LRRC7: variants seen among roughly 807,000 people sequenced by gnomAD.
LRRC7 encodes leucine-rich repeat-containing protein 7.
LRRC7 carries 23 observed loss-of-function variants against 175.7 expected under a neutral mutation model. That is an observed-to-expected ratio of 0.13 (90% confidence interval 0.09 to 0.19). The LOEUF (loss-of-function observed/expected upper bound fraction) is 0.19, where lower values mean the gene tolerates loss of function less well. Ranked by LOEUF, LRRC7 falls within the 10% of genes least tolerant of loss-of-function variation. LRRC7 has a pLI of 1.00. For missense variants in LRRC7, 1,354 were observed against 1,904.7 expected (o/e 0.71, Z 5.38); for synonymous variants, 685 against 680.9 (o/e 1.01, Z -0.09).
At position 70,053,006 on chromosome 1, in the gene LRRC7, C is replaced by T. The variant is rs969012469; in HGVS notation, c.4111-20C>T. 1.9e-6 allele frequency: 3 copies of T among 1,586,546 alleles called. No homozygotes were observed. Among genetic ancestry groups the T allele is most frequent in the African/African-American group, 2.7e-5 (2 of 73,944 alleles). ...ACTTCTACTACATCACTAAAGAATG[C>T]CATACCATTTTTGCAATAGACCCCG... On this transcript the variant is annotated intron_variant, in intron 22 of 26. Transcript: ENST00000651989.
chr1:69,981,856 T>G (rs12045530), intron 9 of LRRC7, among the ~76,000 whole-genome samples: 6,629 of 152,314 alleles, frequency 0.044, 165 homozygotes, highest in South Asian at 0.1. Context: ...GTACAAATGT[T>G]GATTCATTGA....
chr1:69,837,325 T>A (rs950860834), intron 6 of LRRC7, among the ~76,000 whole-genome samples: 5 of 151,906 alleles, frequency 3.3e-5, no homozygotes, highest in Non-Finnish European at 7.4e-5. Flanking sequence ...GTGTAAATAA[T>A]GAAAATAATA....
intron 23 of LRRC7, among the ~76,000 whole-genome samples, chr1:70,064,351 C>G (rs1021396053): frequency 2.6e-5 from 4 of 151,916 alleles, no homozygotes; most frequent in African/African-American, 9.7e-5. Context: ...AGGCACTGTA[C>G]TAAGATGCTT....
At chr1:69,699,651 T>A (rs908576264) in intron 2 of LRRC7, among the ~76,000 whole-genome samples, 13 of 152,236 alleles carry the variant, frequency 8.5e-5, no homozygotes, top group African/African-American at 3.1e-4. Flanking sequence ...AAATTCAATA[T>A]GTGTCTCCAA....
intron 3 of LRRC7, among the ~76,000 whole-genome samples, chr1:69,784,764 TTTA>T (rs1674210724): frequency 6.6e-6 from 1 of 152,232 alleles, no homozygotes; most frequent in Non-Finnish European, 1.5e-5. Context: ...TATGTAACAT[TTTA>T]TTATTTAATT....
rs1394169404 is a variant in LRRC7 at position 70,141,354 on chromosome 1, C to CT, written c.*19468dup. ...GCTTCATGCAGACTTTGGCCCAACT[C>CT]TGTCTACAAATACTTTTGCAAATAA... On this transcript the variant is annotated 3_prime_UTR_variant, in exon 27 of 27. Coordinates refer to ENST00000651989, the MANE Select transcript of LRRC7 (RefSeq NM_001370785.2). 3 of 152,144 alleles carry CT rather than the reference C, an allele frequency of 2.0e-5. No individual in the cohort carries two copies. The highest frequency in any genetic ancestry group is 6.6e-5 in the Admixed American group (1 of 15,262). 9.4% of individuals were successfully genotyped at this position (152,144 alleles called of 1,614,324 possible).
At chr1:70,075,977 G>A (rs1054586461) in intron 23 of LRRC7, 100 bp from the exon 24 acceptor site, 9 of 1,233,410 alleles carry the variant, frequency 7.3e-6, no homozygotes, top group Non-Finnish European at 1.0e-5. Context: ...GAGCCCAAAT[G>A]GTGCCGCTTT....
At chr1:69,984,166 C>T (rs1485351778) in intron 9 of LRRC7, among the ~76,000 whole-genome samples, 5 of 152,060 alleles carry the variant, frequency 3.3e-5, no homozygotes, top group East Asian at 1.9e-4. Context: ...TCTCGTGATC[C>T]GCCCACCTTG....
intron 3 of LRRC7, among the ~76,000 whole-genome samples, chr1:69,787,436 G>A (rs370945577): frequency 5.2e-4 from 79 of 152,312 alleles, no homozygotes; most frequent in African/African-American, 1.6e-3. Flanking sequence ...CACTGCCCTC[G>A]CAGAGATTCT....
chr1:69,638,732 A>G (rs1653763769), intron 1 of LRRC7, among the ~76,000 whole-genome samples: 1 of 151,780 alleles, frequency 6.6e-6, no homozygotes, highest in Non-Finnish European at 1.5e-5. Flanking sequence ...TGTTCAAATG[A>G]AAGTACAATG....
At chr1:69,659,963 CAA>C (rs1657216916) in intron 1 of LRRC7, among the ~76,000 whole-genome samples, 2 of 83,406 alleles carry the variant, frequency 2.4e-5, no homozygotes, top group Non-Finnish European at 5.7e-5. Flanking sequence ...GACTTAAATT[CAA>C]GTTATCAGCA....
intron 2 of LRRC7, among the ~76,000 whole-genome samples, chr1:69,744,273 A>G (rs147273099): frequency 6.6e-6 from 1 of 151,838 alleles, no homozygotes. Flanking sequence ...ACGTATATAC[A>G]TACACATGTA....
At chr1:69,866,973 T>C (rs1557829608) in intron 7 of LRRC7, among the ~76,000 whole-genome samples, 2 of 152,182 alleles carry the variant, frequency 1.3e-5, no homozygotes, top group African/African-American at 2.4e-5. Context: ...TAAAATGTCA[T>C]ATATTTTTCA....
chr1:69,922,723 G>T (rs950092818), intron 7 of LRRC7, among the ~76,000 whole-genome samples: 13 of 152,052 alleles, frequency 8.5e-5, no homozygotes, highest in African/African-American at 2.9e-4. Context: ...TAAGTGGTCA[G>T]TTCTCAGATC....
At chr1:69,717,880 G>GAAAGAAAGAAAGAAAGAA (rs1665723447) in intron 2 of LRRC7, among the ~76,000 whole-genome samples, 1 of 87,840 alleles carries the variant, frequency 1.1e-5, no homozygotes, top group African/African-American at 5.5e-5. Context: ...GAAAGAAAGA[G>GAAAGAAAGAAAGAAAGAA]AGAAAAAGAG....
rs111412303 is a variant in LRRC7, at chr1:70,020,131, G to A, written c.1421-874G>A. ...AAAAGTTTCCTCGAACTTAAATTAAGTCATCCTTTGGTTTTCCAGGCAGGA... is the reference window on the plus strand; with the variant it reads ...AAAAGTTTCCTCGAACTTAAATTAAATCATCCTTTGGTTTTCCAGGCAGGA... On this transcript the variant is annotated intron_variant, in intron 15 of 26. Coordinates refer to ENST00000651989, the MANE Select transcript of LRRC7 (RefSeq NM_001370785.2). Among the ~76,000 whole-genome samples, 1,518 of 151,996 alleles carry A rather than the reference G, an allele frequency of 1.0e-2. 25 individuals are homozygous for A. The highest frequency in any genetic ancestry group is 0.035 in the African/African-American group (1,438 of 41,496).
intron 1 of LRRC7, among the ~76,000 whole-genome samples, chr1:69,600,140 G>A (rs1459140784): frequency 6.6e-6 from 1 of 152,040 alleles, no homozygotes; most frequent in Non-Finnish European, 1.5e-5. Context: ...AGATATTACA[G>A]GGTGTTCCCA....
At chr1:69,802,816 C>A (rs764383376) in intron 4 of LRRC7, among the ~76,000 whole-genome samples, 1 of 151,222 alleles carries the variant, frequency 6.6e-6, no homozygotes, top group Non-Finnish European at 1.5e-5. Flanking sequence ...ACATATTACT[C>A]TTTATTGCAT....
chr1:69,633,926 A>G (rs940282707), intron 1 of LRRC7, among the ~76,000 whole-genome samples: 7 of 151,940 alleles, frequency 4.6e-5, no homozygotes, highest in Non-Finnish European at 7.4e-5. Context: ...TAAACTTTAC[A>G]TTTAATCTTT....
Sources: allele counts gnomAD v4.1 joint callset (sites outside exome capture counted in the v4.1 genomes callset), GRCh38; gene constraint gnomAD v4.1.1; transcripts MANE v1.5; gene names NCBI Gene and HGNC (gene_info 2026-07-23, HGNC 2026-07-21).